RABGAP1: variants seen among roughly 807,000 people sequenced by gnomAD.
The protein encoded by RABGAP1 is RAB GTPase activating protein 1.
Under a neutral mutation model 137.6 loss-of-function variants are expected in RABGAP1, and 23 were observed. The observed-to-expected ratio is 0.17, with a 90% confidence interval of 0.12 to 0.24. The LOEUF is 0.24. RABGAP1 is among the 10% of genes least tolerant of loss of function. RABGAP1 has a pLI of 1.00. For synonymous variants in RABGAP1, 451 were observed against 450.7 expected (o/e 1.00, Z -0.01); for missense variants, 906 against 1,275.8 (o/e 0.71, Z 4.42).
At chr9:123,074,477 G>C (rs2034453060) in intron 17 of RABGAP1, 49 bp downstream of exon 17, 1 of 1,515,812 alleles carries the variant, frequency 6.6e-7, no homozygotes, top group South Asian at 1.2e-5. Context: ...CAGTGTACTT[G>C]AGGAGAACAG....
intron 13 of RABGAP1, chr9:123,029,259 A>C: frequency 2.0e-6 from 1 of 494,248 alleles, no homozygotes; most frequent in South Asian, 2.6e-5. Context: ...CAGTTACATA[A>C]ATAAACTCAC....
intron 11 of RABGAP1, 73 bp downstream of exon 11, chr9:123,010,601 G>T: frequency 1.5e-6 from 2 of 1,363,242 alleles, no homozygotes; most frequent in Non-Finnish European, 1.0e-6. Flanking sequence ...CGTATCAGGG[G>T]ATTGATAATG....
chr9:123,023,803 A>G (rs1399222412), intron 13 of RABGAP1, among the ~76,000 whole-genome samples: 1 of 152,170 alleles, frequency 6.6e-6, no homozygotes, highest in Non-Finnish European at 1.5e-5. Flanking sequence ...AATTTCTATA[A>G]AGTATTTATT....
intron 13 of RABGAP1, chr9:123,035,635 T>C: frequency 7.5e-7 from 1 of 1,327,376 alleles, no homozygotes; most frequent in East Asian, 2.4e-5. Flanking sequence ...AGTTACGGGG[T>C]TCCCGTGTGT....
intron 2 of RABGAP1, among the ~76,000 whole-genome samples, chr9:122,961,579 A>G (rs1440823035): frequency 6.6e-6 from 1 of 152,248 alleles, no homozygotes; most frequent in Non-Finnish European, 1.5e-5. Context: ...TTTAATCCAC[A>G]TGAAAAATCT....
At chr9:123,014,826 G>A (rs1288929961) in intron 11 of RABGAP1, among the ~76,000 whole-genome samples, 1 of 152,072 alleles carries the variant, frequency 6.6e-6, no homozygotes, top group Non-Finnish European at 1.5e-5. Flanking sequence ...ATGGCAGAAG[G>A]GGAAGCAAAC....
intron 2 of RABGAP1, among the ~76,000 whole-genome samples, chr9:122,958,348 A>G (rs146780368): frequency 0.015 from 2,353 of 151,946 alleles, 28 homozygotes; most frequent in Non-Finnish European, 0.023. Flanking sequence ...TTTAATTCTA[A>G]TGGGGGAAAT....
chr9:123,094,902 G>C (rs1218341133), intron 21 of RABGAP1, among the ~76,000 whole-genome samples: 2 of 152,104 alleles, frequency 1.3e-5, no homozygotes, highest in Non-Finnish European at 2.9e-5. Flanking sequence ...TAAGTATGTT[G>C]ATATAAGGTT....
chr9:122,946,211 A>T (rs1833943196), intron 1 of RABGAP1: 2 of 152,140 alleles, frequency 1.3e-5, no homozygotes, highest in Non-Finnish European at 2.9e-5. Context: ...TCCCCTGAAA[A>T]TCAAACAGGT....
At position 123,015,652 on chromosome 9, in the gene RABGAP1, A is replaced by G. The variant is rs773668012; in HGVS notation, c.1643+16A>G. The G allele has an allele frequency of 1.6e-5, 25 of 1,564,434 alleles. No homozygotes were observed. The highest frequency in any genetic ancestry group is 2.1e-5 in the Non-Finnish European group (24 of 1,139,962). ...TGTCAAAATGGTAAGTTATGATAGA[A>G]TAGTTTTTTTTATCTGCAATTTTCA... On this transcript the variant is annotated intron_variant, in intron 12 of 25. Coordinates refer to ENST00000373647, the MANE Select transcript of RABGAP1 (RefSeq NM_012197.4).
chr9:123,068,131 C>G (rs1443180316), intron 14 of RABGAP1, among the ~76,000 whole-genome samples: 1 of 152,100 alleles, frequency 6.6e-6, no homozygotes, highest in African/African-American at 2.4e-5. Context: ...GGGTGGTTCA[C>G]CTGAGGTCAG....
chr9:122,966,737 A>T (rs1054852238), intron 2 of RABGAP1, among the ~76,000 whole-genome samples: 1 of 152,186 alleles, frequency 6.6e-6, no homozygotes, highest in Non-Finnish European at 1.5e-5. Flanking sequence ...CACACTGCTG[A>T]TAAAGACGCA....
At chr9:123,035,217 C>T in intron 13 of RABGAP1, 1 of 1,614,184 alleles carries the variant, frequency 6.2e-7, no homozygotes, top group Non-Finnish European at 8.5e-7. Context: ...TCTTCCGCAT[C>T]TGCCAACAGC....
intron 19 of RABGAP1, among the ~76,000 whole-genome samples, chr9:123,082,232 A>G (rs1333915755): frequency 1.3e-5 from 2 of 152,090 alleles, no homozygotes; most frequent in African/African-American, 4.8e-5. Context: ...AGGAGTTTAG[A>G]TCCCCTGCTC....
chr9:122,943,581 T>C (rs951065836), intron 1 of RABGAP1, among the ~76,000 whole-genome samples: 1 of 152,190 alleles, frequency 6.6e-6, no homozygotes, highest in Non-Finnish European at 1.5e-5. Flanking sequence ...GAGAGAACTG[T>C]ATTATGCACT....
chr9:122,973,092 T>C (rs1274510069), intron 2 of RABGAP1, among the ~76,000 whole-genome samples: 3 of 152,104 alleles, frequency 2.0e-5, no homozygotes, highest in Admixed American at 1.3e-4. Context: ...GTGAGAACTT[T>C]CCATAAAAGC....
At chr9:122,942,422 A>C (rs1156657263) in intron 1 of RABGAP1, among the ~76,000 whole-genome samples, 4 of 152,200 alleles carry the variant, frequency 2.6e-5, no homozygotes, top group African/African-American at 9.6e-5. Flanking sequence ...CCTGTGATCC[A>C]GCATTTTAGG....
chr9:122,937,870 T>A (rs1415097898), upstream of RABGAP1: 1 of 152,198 alleles, frequency 6.6e-6, no homozygotes, highest in Admixed American at 6.6e-5. Context: ...CATGCCTGTG[T>A]TCCCAGCTAC....
chr9:123,006,317 T>C (rs972540546), intron 10 of RABGAP1, among the ~76,000 whole-genome samples: 3 of 152,246 alleles, frequency 2.0e-5, no homozygotes, highest in Admixed American at 6.5e-5. Context: ...CTGTTACTTA[T>C]ATGGTTTCAT....
Sources: allele counts gnomAD v4.1 joint callset (sites outside exome capture counted in the v4.1 genomes callset), GRCh38; gene constraint gnomAD v4.1.1; transcripts MANE v1.5; gene names NCBI Gene and HGNC (gene_info 2026-07-23, HGNC 2026-07-21).